LMOD1: variants seen among roughly 807,000 people sequenced by gnomAD.
LMOD1 encodes leiomodin-1.
A neutral mutation model predicts 36.5 loss-of-function variants in LMOD1; 8 were observed. The observed-to-expected ratio is 0.22, with a 90% CI of 0.13 to 0.40. The LOEUF is 0.40. LMOD1 is among the 10% of genes least tolerant of loss of function. The pLI is 1.00. For synonymous variants in LMOD1, 284 were observed against 288.7 expected (o/e 0.98, Z 0.17); for missense variants, 630 against 751.1 (o/e 0.84, Z 1.88).
chr1:201,900,615 C>T lies in LMOD1; in HGVS notation c.398G>A (p.Ser133Asn). The stretch of plus-strand genomic sequence containing the variant: ...AGCTTCATCTCTGTCTCTAGAGAAG[C>T]TTTTCTTTAAACCACCCCTCTTTGG... ...KEPKRGGLKKSFSRDRDEAGG... is the reference protein window; with the variant it reads ...KEPKRGGLKKNFSRDRDEAGG... The change falls in exon 2 of 3, where the codon AGC (serine) becomes AAC (asparagine). Residue 133 changes from serine (S) to asparagine (N), a missense_variant. Ser to Asn is a conservative substitution (Grantham distance 46). This residue lies in a region of LMOD1 where 405 missense variants were observed against 400.6 expected (regional missense o/e 1.01). Coordinates refer to ENST00000367288, the MANE Select transcript of LMOD1 (RefSeq NM_012134.3). 1 of 1,613,904 alleles carries T rather than the reference C, an allele frequency of 6.2e-7. No individual in the cohort carries two copies.
At chr1:201,904,395 A>C (rs1393764694) in intron 1 of LMOD1, among the ~76,000 whole-genome samples, 1 of 152,122 alleles carries the variant, frequency 6.6e-6, no homozygotes, top group African/African-American at 2.4e-5. Flanking sequence ...TTTTTGGTAG[A>C]GACGGGGTTT....
chr1:201,934,289 C>T (rs1681977556), intron 1 of LMOD1, among the ~76,000 whole-genome samples: 1 of 152,198 alleles, frequency 6.6e-6, no homozygotes, highest in African/African-American at 2.4e-5. Flanking sequence ...TCAGACCAGC[C>T]TATGGCTGCC....
In LMOD1 at chr1:201,901,566, A is replaced by G. The variant is rs6684658; in HGVS notation, c.262-815T>C. 5.9e-3 allele frequency among the ~76,000 whole-genome samples: 64 copies of G among 10,804 alleles called. 7 individuals are homozygous for G. Among genetic ancestry groups the G allele is most frequent in the African/African-American group, 0.021 (40 of 1,922 alleles). 7.1% of individuals were successfully genotyped at this position (10,804 alleles called of 152,430 possible). A position where few individuals can be genotyped will look rare whatever the true frequency, so the allele number is the denominator to read the frequency against. ...TATATATATATACATATATATATGT[A>G]TATATATATATATATATACATATAT... On this transcript the variant is annotated intron_variant, in intron 1 of 2. Transcript: ENST00000367288.
At chr1:201,901,530 G>GTATA (rs771599594) in intron 1 of LMOD1, among the ~76,000 whole-genome samples, 2 of 50,060 alleles carry the variant, frequency 4.0e-5, no homozygotes, top group Admixed American at 2.4e-4. Flanking sequence ...ATATATATAT[G>GTATA]TATATATATA....
intron 1 of LMOD1, among the ~76,000 whole-genome samples, chr1:201,924,663 A>AG: frequency 8.4e-6 from 1 of 119,548 alleles, no homozygotes; most frequent in African/African-American, 3.7e-5. Context: ...AAAGAAAGAA[A>AG]AAAAAGAAAG....
chr1:201,912,901 C>A (rs563713987), intron 1 of LMOD1, among the ~76,000 whole-genome samples: 10 of 152,184 alleles, frequency 6.6e-5, no homozygotes, highest in African/African-American at 2.4e-4. Flanking sequence ...AAACAAACTT[C>A]CTGGAGTCCA....
chr1:201,912,513 T>C (rs888661708), intron 1 of LMOD1, among the ~76,000 whole-genome samples: 1 of 152,186 alleles, frequency 6.6e-6, no homozygotes, highest in African/African-American at 2.4e-5. Flanking sequence ...TGGCACACAG[T>C]ATGATGCCTT....
intron 1 of LMOD1, among the ~76,000 whole-genome samples, chr1:201,935,325 T>TC (rs1681998491): frequency 6.6e-6 from 1 of 151,702 alleles, no homozygotes; most frequent in African/African-American, 2.4e-5. Flanking sequence ...TGTCCTTTTT[T>TC]TTTTTTTTTT....
chr1:201,926,731 C>T (rs2644130), intron 1 of LMOD1, among the ~76,000 whole-genome samples: 150,593 of 152,336 alleles, frequency 0.99, 74,456 homozygotes, highest in East Asian at 1. Context: ...TCAGAAAAAA[C>T]TGAAGCAGGG....
chr1:201,902,816 T>C (rs1308533291), intron 1 of LMOD1, among the ~76,000 whole-genome samples: 2 of 152,046 alleles, frequency 1.3e-5, no homozygotes, highest in Non-Finnish European at 2.9e-5. Flanking sequence ...CTCCGTAAGG[T>C]TGCACCGAGC....
At chr1:201,909,254 G>T (rs886387064) in intron 1 of LMOD1, among the ~76,000 whole-genome samples, 1 of 152,146 alleles carries the variant, frequency 6.6e-6, no homozygotes, top group African/African-American at 2.4e-5. Flanking sequence ...AACTCGTGGG[G>T]GTGGGGCGTA....
At position 201,931,535 on chromosome 1, in the gene LMOD1, CAA is replaced by C. The variant is rs11334173; in HGVS notation, c.261+14543_261+14544del. Among the ~76,000 whole-genome samples, 766 of 82,392 alleles carry C rather than the reference CAA, an allele frequency of 9.3e-3. 2 individuals carry two copies. The highest frequency in any genetic ancestry group is 0.033 in the African/African-American group (701 of 21,200). The allele number at this position is 82,392 out of a possible 152,430, so 54.1% of individuals were successfully genotyped here. On this transcript the variant is annotated intron_variant, in intron 1 of 2. Coordinates refer to ENST00000367288, the MANE Select transcript of LMOD1 (RefSeq NM_012134.3). Reference sequence around the variant, plus strand: ...CCTGGGCGACATAATGAGACTCTGTCAAAAAAAAAAAAAAAAAAAGGGAGAGA... The same window carrying C: ...CCTGGGCGACATAATGAGACTCTGTCAAAAAAAAAAAAAAAAAGGGAGAGA...
chr1:201,941,874 T>C (rs1351770472), intron 1 of LMOD1, among the ~76,000 whole-genome samples: 1 of 152,220 alleles, frequency 6.6e-6, no homozygotes, highest in Non-Finnish European at 1.5e-5. Context: ...CCCCAGCCCC[T>C]GCTAACACCA....
chr1:201,928,238 C>T (rs952245526), intron 1 of LMOD1, among the ~76,000 whole-genome samples: 2 of 152,178 alleles, frequency 1.3e-5, no homozygotes, highest in African/African-American at 4.8e-5. Context: ...ACAAAATGGA[C>T]TAAGACGGGG....
At chr1:201,908,575 G>T (rs1392581125) in intron 1 of LMOD1, among the ~76,000 whole-genome samples, 1 of 152,134 alleles carries the variant, frequency 6.6e-6, no homozygotes, top group African/African-American at 2.4e-5. Context: ...TTCCTAATTT[G>T]GGGTTGGGGG....
intron 1 of LMOD1, among the ~76,000 whole-genome samples, chr1:201,923,321 CAA>C (rs1332442109): frequency 6.6e-6 from 1 of 152,106 alleles, no homozygotes; most frequent in Admixed American, 6.6e-5. Flanking sequence ...AACTGCTGAA[CAA>C]AGAGATGCAT....
chr1:201,920,472 AC>A (rs1053776574), intron 1 of LMOD1, among the ~76,000 whole-genome samples: 5 of 152,250 alleles, frequency 3.3e-5, no homozygotes, highest in African/African-American at 1.2e-4. Context: ...CCTTGGAGAC[AC>A]CGGTTTTTCC....
intron 1 of LMOD1, among the ~76,000 whole-genome samples, chr1:201,942,499 A>C (rs1307920039): frequency 6.6e-6 from 1 of 152,134 alleles, no homozygotes; most frequent in Non-Finnish European, 1.5e-5. Flanking sequence ...GATCTCTGGA[A>C]TATCCCATCC....
intron 1 of LMOD1, among the ~76,000 whole-genome samples, chr1:201,924,685 GA>G (rs1298575042): frequency 8.6e-5 from 4 of 46,264 alleles, no homozygotes; most frequent in Admixed American, 2.6e-4. Flanking sequence ...AAGAAAGAAA[GA>G]AAGAAAGAAA....
Sources: allele counts gnomAD v4.1 joint callset (sites outside exome capture counted in the v4.1 genomes callset), GRCh38; gene constraint gnomAD v4.1.1; regional missense constraint gnomAD v4.1.1; transcripts MANE v1.5; gene names NCBI Gene and HGNC (gene_info 2026-07-23, HGNC 2026-07-21).